FUT9: variants seen among roughly 807,000 people sequenced by gnomAD.
FUT9 encodes 4-galactosyl-N-acetylglucosaminide 3-alpha-L-fucosyltransferase 9.
Under a neutral mutation model 29.7 loss-of-function variants are expected in FUT9, and 15 were observed. The ratio of observed to expected loss-of-function variants is 0.51; its 90% CI spans 0.34 to 0.78. FUT9 has a LOEUF of 0.78. FUT9 is among the 30% of genes least tolerant of loss of function. The pLI, the probability that FUT9 is intolerant of heterozygous loss-of-function variation, is 0.01. For missense variants in FUT9, 319 were observed against 425.4 expected (o/e 0.75, Z 2.20); for synonymous variants, 169 against 153.7 (o/e 1.10, Z -0.74).
At chr6:96,038,660 G>A (rs972617062) in intron 1 of FUT9, among the ~76,000 whole-genome samples, 1 of 152,096 alleles carries the variant, frequency 6.6e-6, no homozygotes, top group Admixed American at 6.6e-5. Flanking sequence ...AATCTGACTA[G>A]GTCCAATCTA....
At chr6:96,094,356 T>C (rs1425225997) in intron 1 of FUT9, among the ~76,000 whole-genome samples, 2 of 152,150 alleles carry the variant, frequency 1.3e-5, no homozygotes, top group African/African-American at 4.8e-5. Context: ...ACCTTTCTTT[T>C]ACTTAATAAT....
intron 1 of FUT9, among the ~76,000 whole-genome samples, chr6:96,076,721 T>G (rs1582213585): frequency 6.6e-6 from 1 of 152,168 alleles, no homozygotes; most frequent in South Asian, 2.1e-4. Flanking sequence ...CATAGGCATG[T>G]TGTAACACTG....
At chr6:96,083,990 T>C (rs1196984972) in intron 1 of FUT9, among the ~76,000 whole-genome samples, 1 of 152,058 alleles carries the variant, frequency 6.6e-6, no homozygotes. Context: ...TTCTCACATG[T>C]CATTATATGA....
chr6:96,120,476 G>C (rs1016430919), intron 2 of FUT9, among the ~76,000 whole-genome samples: 5 of 149,880 alleles, frequency 3.3e-5, no homozygotes, highest in Admixed American at 6.6e-5. Flanking sequence ...GTAGAGACGG[G>C]GTTTCACCAT....
intron 1 of FUT9, among the ~76,000 whole-genome samples, chr6:96,111,833 A>G (rs1466700086): frequency 6.6e-6 from 1 of 152,140 alleles, no homozygotes; most frequent in Non-Finnish European, 1.5e-5. Flanking sequence ...GGGAGCCAAT[A>G]TATATGGATG....
intron 1 of FUT9, among the ~76,000 whole-genome samples, chr6:96,096,572 T>G (rs1188143082): frequency 6.6e-6 from 1 of 151,978 alleles, no homozygotes; most frequent in Non-Finnish European, 1.5e-5. Flanking sequence ...CTTCTTTAAG[T>G]CCACTCTCAC....
chr6:96,028,461 A>G (rs772689963), intron 1 of FUT9, among the ~76,000 whole-genome samples: 3 of 151,654 alleles, frequency 2.0e-5, no homozygotes, highest in African/African-American at 7.2e-5. Context: ...CTGAGAGATT[A>G]AAGTCAAATT....
intron 2 of FUT9, among the ~76,000 whole-genome samples, chr6:96,191,244 G>C (rs1396345708): frequency 6.6e-6 from 1 of 151,896 alleles, no homozygotes; most frequent in Non-Finnish European, 1.5e-5. Context: ...CAGAACTGAA[G>C]GAAATAGAGA....
chr6:96,020,240 G>A (rs1294304016), intron 1 of FUT9, among the ~76,000 whole-genome samples: 1 of 152,068 alleles, frequency 6.6e-6, no homozygotes, highest in African/African-American at 2.4e-5. Flanking sequence ...GGTTTTTCAT[G>A]TTAATAGCAT....
chr6:96,137,229 A>G (rs1772364961), intron 2 of FUT9, among the ~76,000 whole-genome samples: 1 of 152,060 alleles, frequency 6.6e-6, no homozygotes, highest in Non-Finnish European at 1.5e-5. Context: ...GCCAACCAAA[A>G]GAGCCCCCAA....
At chr6:96,150,230 A>C (rs763255859) in intron 2 of FUT9, among the ~76,000 whole-genome samples, 2 of 152,204 alleles carry the variant, frequency 1.3e-5, no homozygotes, top group Non-Finnish European at 2.9e-5. Flanking sequence ...ATTAGAATTC[A>C]GAATGAAGGA....
intron 2 of FUT9, among the ~76,000 whole-genome samples, chr6:96,159,759 A>G (rs1313919757): frequency 6.6e-6 from 1 of 152,154 alleles, no homozygotes; most frequent in African/African-American, 2.4e-5. Context: ...TGAATCAAGC[A>G]CTATAATTTT....
chr6:96,195,672 A>G (rs1168723872), intron 2 of FUT9, among the ~76,000 whole-genome samples: 1 of 152,232 alleles, frequency 6.6e-6, no homozygotes, highest in African/African-American at 2.4e-5. Context: ...TTTGGTGTAT[A>G]ATAGCTAAAG....
intron 1 of FUT9, among the ~76,000 whole-genome samples, chr6:96,108,998 T>C (rs1246380424): frequency 6.6e-6 from 1 of 152,178 alleles, no homozygotes; most frequent in African/African-American, 2.4e-5. Context: ...AAAATGTATG[T>C]TGAATTAAAA....
At chr6:96,158,346 A>G in intron 2 of FUT9, among the ~76,000 whole-genome samples, 1 of 152,108 alleles carries the variant, frequency 6.6e-6, no homozygotes, top group Non-Finnish European at 1.5e-5. Flanking sequence ...ACACTATACA[A>G]AGTAAGTTAA....
chr6:96,057,960 G>A (rs1464769799), intron 1 of FUT9, among the ~76,000 whole-genome samples: 1 of 152,090 alleles, frequency 6.6e-6, no homozygotes, highest in Non-Finnish European at 1.5e-5. Flanking sequence ...CAAGCCTTCA[G>A]CCTCTCCAAA....
intron 2 of FUT9, among the ~76,000 whole-genome samples, chr6:96,158,117 G>T (rs949270116): frequency 2.6e-5 from 4 of 151,972 alleles, no homozygotes; most frequent in Admixed American, 2.6e-4. Flanking sequence ...TATGATTAGT[G>T]GTTACTATAA....
chr6:96,150,185 C>CTA (rs1170602476), intron 2 of FUT9, among the ~76,000 whole-genome samples: 1 of 152,106 alleles, frequency 6.6e-6, no homozygotes, highest in African/African-American at 2.4e-5. Flanking sequence ...TACTGGTGTG[C>CTA]TATACTAAAT....
intron 1 of FUT9, among the ~76,000 whole-genome samples, chr6:96,074,849 TC>T (rs1771118196): frequency 6.6e-6 from 1 of 152,116 alleles, no homozygotes; most frequent in African/African-American, 2.4e-5. Context: ...TGAACACAGC[TC>T]ACTTCATCCT....
Sources: allele counts gnomAD v4.1 joint callset (sites outside exome capture counted in the v4.1 genomes callset), GRCh38; gene constraint gnomAD v4.1.1; transcripts MANE v1.5; gene names NCBI Gene and HGNC (gene_info 2026-07-23, HGNC 2026-07-21).